The following PCDHA8 variants were observed in gnomAD, a reference collection of about 807,000 sequenced individuals.
PCDHA8 encodes protocadherin alpha 8, also known as protocadherin alpha-8.
A neutral mutation model predicts 61.8 loss-of-function variants in PCDHA8; 53 were observed. The ratio of observed to expected loss-of-function variants is 0.86; its 90% CI spans 0.69 to 1.08. PCDHA8 has a LOEUF of 1.08. Ranked by LOEUF, PCDHA8 falls within the 50% of genes least tolerant of loss-of-function variation. The pLI, the probability that PCDHA8 is intolerant of heterozygous loss-of-function variation, is 0.00. For synonymous variants in PCDHA8, 618 were observed against 556.6 expected, an observed-to-expected ratio of 1.11 and a Z score of -1.55; for missense variants, 1,293 against 1,245.0, an observed-to-expected ratio of 1.04 and a Z score of -0.58.
intron 1 of PCDHA8, among the ~76,000 whole-genome samples, chr5:140,908,042 C>T (rs2073761027): frequency 1.3e-5 from 2 of 152,196 alleles, no homozygotes; most frequent in African/African-American, 2.4e-5. Context: ...TATATAATTG[C>T]ACATCCGGCC....
chr5:140,892,536 A>G (rs916916323), intron 1 of PCDHA8, among the ~76,000 whole-genome samples: 1 of 152,208 alleles, frequency 6.6e-6, no homozygotes, highest in African/African-American at 2.4e-5. Flanking sequence ...CAGGATTCTG[A>G]CTTTTGTTTC....
chr5:140,861,503 C>G, intron 1 of PCDHA8: 1 of 478,536 alleles, frequency 2.1e-6, no homozygotes, highest in African/African-American at 2.0e-5. Flanking sequence ...TGATAGACCT[C>G]GAGGAGCTGT....
chr5:140,861,426 T>G (rs1451953787), intron 1 of PCDHA8: 8 of 485,290 alleles, frequency 1.6e-5, no homozygotes, highest in South Asian at 1.1e-4. Flanking sequence ...CCTGTTTCAG[T>G]TGGATTCCAA....
chr5:140,925,409 G>T (rs2082484194), intron 1 of PCDHA8, among the ~76,000 whole-genome samples: 1 of 152,078 alleles, frequency 6.6e-6, no homozygotes, highest in Admixed American at 6.5e-5. Flanking sequence ...CCTTCTTAGG[G>T]AAAGGAACTG....
At chr5:140,843,940 T>G in intron 1 of PCDHA8, 1 of 573,966 alleles carries the variant, frequency 1.7e-6, no homozygotes, top group East Asian at 2.9e-5. Context: ...TATGGTTGGA[T>G]GATATCCATT....
At chr5:140,927,915 C>T (rs200890211) in intron 1 of PCDHA8, 7 of 1,614,120 alleles carry the variant, frequency 4.3e-6, no homozygotes, top group Admixed American at 3.3e-5. Context: ...CCGAACTGGA[C>T]TTCCTGACTC....
rs2150341086 is a variant in PCDHA8 at position 140,842,645 on chromosome 5, T to C, written c.1324T>C (p.Ser442Pro). ...SPSLWATASL[S>P]VEVADVNDNA... ...TTCGCTGTGGGCCACCGCCAGCTTG[T>C]CTGTGGAGGTGGCCGACGTGAACGA... Residue 442 changes from serine (S) to proline (P), a missense_variant, in exon 1 of 4, where the codon TCT (serine) becomes CCT (proline). Transcript: ENST00000531613. 5 of 1,595,026 alleles carry C rather than the reference T, an allele frequency of 3.1e-6. No individual in the cohort carries two copies. In the Admixed American group the frequency reaches 6.8e-5, roughly 22 times the overall value.
In PCDHA8 at chr5:140,841,278, T is replaced by G; in HGVS notation, c.-44T>G. ...GACTCTGAAAGTACAGTCGTTCATC[T>G]TTATATTAAGATAATATTTTCTGAT... is the stretch of plus-strand genomic sequence containing the variant. On this transcript the variant is annotated 5_prime_UTR_variant, in exon 1 of 4. Transcript: ENST00000531613. The G allele has an allele frequency of 1.3e-6, 2 of 1,521,566 alleles. No individual in the cohort carries two copies. The highest frequency in any genetic ancestry group is 1.3e-5 in the South Asian group (1 of 78,368). The allele number at this position is 1,521,566 out of a possible 1,614,324, so 94.3% of individuals were successfully genotyped here.
chr5:140,869,442 G>A (rs782686984), intron 1 of PCDHA8: 3 of 1,614,208 alleles, frequency 1.9e-6, no homozygotes, highest in African/African-American at 1.3e-5. Flanking sequence ...TGGACAGGCC[G>A]CTGCAGGTTT....
chr5:141,009,594 C>G, intron 3 of PCDHA8, 33 bp from the exon 4 acceptor site: 1 of 1,602,468 alleles, frequency 6.2e-7, no homozygotes, highest in Non-Finnish European at 8.5e-7. Context: ...ATGTGTTGAC[C>G]CTGTTAATGA....
Position 140,843,144 on chromosome 5 carries a change from C to T in PCDHA8, c.1823C>T (p.Ser608Leu), listed in dbSNP as rs1554139783. The part of the protein sequence containing the change: ...DADSGYNAWL[S>L]YELQPAASSP... ...GACTCGGGCTACAACGCGTGGCTTT[C>T]GTATGAGCTGCAGCCAGCTGCAAGC... The change falls in exon 1 of 4, where the codon TCG (serine) becomes TTG (leucine). Residue 608 changes from serine (S) to leucine (L), a missense_variant. Transcript: ENST00000531613. The T allele has an allele frequency of 2.4e-5, 39 of 1,596,036 alleles. 4 individuals are homozygous for T. Among genetic ancestry groups the T allele is most frequent in the Non-Finnish European group, 3.3e-5 (39 of 1,165,590 alleles).
chr5:140,873,418 A>C (rs2054276774), intron 1 of PCDHA8, among the ~76,000 whole-genome samples: 1 of 152,174 alleles, frequency 6.6e-6, no homozygotes. Flanking sequence ...AATTTTGTAA[A>C]TTATTATTTT....
Position 141,009,690 on chromosome 5 carries a change from TTAAA to T in PCDHA8, c.2609_2612del (p.Lys870ThrfsTer44). On this transcript the variant is annotated frameshift_variant, in exon 4 of 4. Transcript: ENST00000531613. LOFTEE classifies it high-confidence loss of function. ...GGTGTCAACAGCAACAGCTGGACCT[TTAAA>T]TACGGACCAGGCAACCCCAAACAAT... 6.2e-7 allele frequency: 1 copy of T among 1,614,068 alleles called. No individual in the cohort carries two copies. Among genetic ancestry groups the T allele is most frequent in the Non-Finnish European group, 8.5e-7 (1 of 1,180,024 alleles).
chr5:140,878,378 G>T (rs1449332570), intron 1 of PCDHA8, among the ~76,000 whole-genome samples: 3 of 152,178 alleles, frequency 2.0e-5, no homozygotes, highest in African/African-American at 7.2e-5. Flanking sequence ...TATGATGAAT[G>T]ATTTTCTTCA....
At chr5:140,873,141 C>A (rs1275722582) in intron 1 of PCDHA8, among the ~76,000 whole-genome samples, 3 of 152,064 alleles carry the variant, frequency 2.0e-5, no homozygotes, top group African/African-American at 7.2e-5. Flanking sequence ...TATGCTGAAG[C>A]CTATTCATAG....
intron 1 of PCDHA8, among the ~76,000 whole-genome samples, chr5:140,874,456 A>T (rs1554167207): frequency 6.6e-6 from 1 of 152,236 alleles, no homozygotes; most frequent in Non-Finnish European, 1.5e-5. Flanking sequence ...AATGACCTGT[A>T]GGGGAAGATT....
intron 1 of PCDHA8, chr5:140,871,073 C>T (rs782763189): frequency 1.1e-5 from 18 of 1,613,090 alleles, no homozygotes; most frequent in Non-Finnish European, 1.4e-5. Context: ...GGTGAGCCGG[C>T]GCTGACGGCC....
chr5:140,854,556 T>C (rs1400864251), intron 1 of PCDHA8: 1 of 150,002 alleles, frequency 6.7e-6, no homozygotes, highest in African/African-American at 2.4e-5. Flanking sequence ...TTCATAAATA[T>C]TGTTGCTCTG....
intron 1 of PCDHA8, among the ~76,000 whole-genome samples, chr5:140,889,361 T>C (rs1005398759): frequency 2.0e-5 from 3 of 152,106 alleles, no homozygotes; most frequent in Non-Finnish European, 4.4e-5. Context: ...GATTACTGAC[T>C]CAATTTTAAT....
Sources: allele counts gnomAD v4.1 joint callset (sites outside exome capture counted in the v4.1 genomes callset), GRCh38; gene constraint gnomAD v4.1.1; transcripts MANE v1.5; gene names NCBI Gene and HGNC (gene_info 2026-07-23, HGNC 2026-07-21).